Variants in ASIC2 observed in about 807,000 individuals in gnomAD.
ASIC2 encodes the protein acid sensing ion channel subunit 2, also known as acid-sensing ion channel 2.
ASIC2 carries 25 observed loss-of-function variants against 57.3 expected under a neutral mutation model. That is an observed-to-expected ratio of 0.44 (90% confidence interval 0.32 to 0.61). ASIC2 has a LOEUF of 0.61. ASIC2 is among the 20% of genes least tolerant of loss of function. The pLI is 0.06. For synonymous variants in ASIC2, 319 were observed against 307.5 expected, an observed-to-expected ratio of 1.04 and a Z score of -0.39; for missense variants, 641 against 738.1, an observed-to-expected ratio of 0.87 and a Z score of 1.52.
At chr17:33,108,463 G>A (rs959617358) in intron 2 of ASIC2, among the ~76,000 whole-genome samples, 1 of 152,214 alleles carries the variant, frequency 6.6e-6, no homozygotes, top group Non-Finnish European at 1.5e-5. Context: ...GGCAGGGATA[G>A]GCCTGGCTGT....
chr17:33,905,820 T>C (rs996130248), intron 1 of ASIC2, among the ~76,000 whole-genome samples: 1 of 151,958 alleles, frequency 6.6e-6, no homozygotes, highest in African/African-American at 2.4e-5. Context: ...TTTTTTTGTT[T>C]GTTTTTTTGC....
At chr17:33,942,287 C>T (rs975298897) in intron 1 of ASIC2, among the ~76,000 whole-genome samples, 3 of 152,174 alleles carry the variant, frequency 2.0e-5, no homozygotes, top group African/African-American at 7.2e-5. Flanking sequence ...ACCTCCTTCT[C>T]ATGCTGAAGA....
At chr17:33,863,908 T>TC (rs1232437574) in intron 1 of ASIC2, among the ~76,000 whole-genome samples, 1 of 64,794 alleles carries the variant, frequency 1.5e-5, no homozygotes, top group African/African-American at 5.5e-5. Flanking sequence ...TTGTTTTTTT[T>TC]TTTTTTGTTT....
intron 5 of ASIC2, among the ~76,000 whole-genome samples, chr17:33,025,723 C>G (rs765427536): frequency 2.4e-4 from 37 of 152,086 alleles, no homozygotes; most frequent in Non-Finnish European, 4.3e-4. Context: ...CCTCTTGCAC[C>G]AGTTCCCTTC....
chr17:33,537,807 T>A (rs1441456953), intron 1 of ASIC2, among the ~76,000 whole-genome samples: 1 of 151,422 alleles, frequency 6.6e-6, no homozygotes, highest in Non-Finnish European at 1.5e-5. Context: ...GGAGGGAGAG[T>A]GTACGCCGAG....
intron 1 of ASIC2, among the ~76,000 whole-genome samples, chr17:34,099,793 A>G (rs1167908530): frequency 2.6e-5 from 2 of 76,636 alleles, no homozygotes; most frequent in African/African-American, 5.2e-5. Context: ...AAAGAAAGAA[A>G]GAAAGAAAGA....
At chr17:33,450,661 A>G (rs1412260566) in intron 1 of ASIC2, among the ~76,000 whole-genome samples, 3 of 152,204 alleles carry the variant, frequency 2.0e-5, no homozygotes, top group Admixed American at 2.0e-4. Context: ...ATTTTATGTC[A>G]TATATTTTGT....
chr17:33,618,119 A>G (rs1905665250), intron 1 of ASIC2, among the ~76,000 whole-genome samples: 1 of 152,030 alleles, frequency 6.6e-6, no homozygotes, highest in Non-Finnish European at 1.5e-5. Flanking sequence ...CTAGTTATCC[A>G]TCCCCAGGAA....
chr17:33,765,240 G>T (rs1454038160), intron 1 of ASIC2, among the ~76,000 whole-genome samples: 1 of 152,042 alleles, frequency 6.6e-6, no homozygotes, highest in Non-Finnish European at 1.5e-5. Flanking sequence ...CGAGTAGCTG[G>T]GACTACAGGC....
chr17:33,600,333 GA>G (rs1302812368), intron 1 of ASIC2, among the ~76,000 whole-genome samples: 5 of 152,218 alleles, frequency 3.3e-5, no homozygotes, highest in African/African-American at 1.2e-4. Context: ...GTCCTCACCA[GA>G]TGCAACCCTT....
chr17:33,124,922 G>A (rs985954055), intron 1 of ASIC2, among the ~76,000 whole-genome samples: 13 of 152,160 alleles, frequency 8.5e-5, no homozygotes, highest in Admixed American at 7.9e-4. Context: ...CTCTTAAGGG[G>A]GGCACAACCT....
At chr17:33,540,547 G>T (rs932165427) in intron 1 of ASIC2, among the ~76,000 whole-genome samples, 1 of 152,136 alleles carries the variant, frequency 6.6e-6, no homozygotes, top group African/African-American at 2.4e-5. Context: ...CATCAGCCAT[G>T]ATGAAGACTT....
rs182210126 is a variant in ASIC2 at position 33,235,289 on chromosome 17, A to G, written c.708+56119T>C. Reference sequence around the variant, plus strand: ...CAGGTAGTCCATTTTAACAGGGGCAACCCACACACAGGGCTCCACTCCTGG... The same window carrying G: ...CAGGTAGTCCATTTTAACAGGGGCAGCCCACACACAGGGCTCCACTCCTGG... On this transcript the variant is annotated intron_variant, in intron 1 of 9. Coordinates refer to ENST00000225823, the MANE Select transcript of ASIC2 (RefSeq NM_183377.2). Among the ~76,000 whole-genome samples, 126 of 152,146 alleles carry G rather than the reference A, an allele frequency of 8.3e-4. 1 individual carries two copies. The East Asian group carries it at 0.023, about 28-fold the overall frequency.
intron 1 of ASIC2, among the ~76,000 whole-genome samples, chr17:33,322,134 A>G (rs1906895965): frequency 6.6e-6 from 1 of 152,174 alleles, no homozygotes; most frequent in African/African-American, 2.4e-5. Flanking sequence ...GTGGGAGTGG[A>G]GAAGGTGGGT....
At chr17:33,197,355 A>G (rs1906675041) in intron 1 of ASIC2, among the ~76,000 whole-genome samples, 1 of 152,196 alleles carries the variant, frequency 6.6e-6, no homozygotes, top group Admixed American at 6.5e-5. Flanking sequence ...CCGTATACAT[A>G]GGTAAGAGGG....
At chr17:33,190,765 A>G (rs1414097727) in intron 1 of ASIC2, among the ~76,000 whole-genome samples, 4 of 152,170 alleles carry the variant, frequency 2.6e-5, no homozygotes, top group Non-Finnish European at 5.9e-5. Flanking sequence ...TAAAACCACA[A>G]TGAGATGCCA....
intron 1 of ASIC2, among the ~76,000 whole-genome samples, chr17:33,344,403 C>T (rs1046889211): frequency 2.0e-5 from 3 of 152,028 alleles, no homozygotes; most frequent in African/African-American, 4.8e-5. Context: ...TGGCAGGGAG[C>T]GGGGCACCAG....
intron 1 of ASIC2, among the ~76,000 whole-genome samples, chr17:33,140,938 A>C (rs1021400861): frequency 6.6e-6 from 1 of 152,258 alleles, no homozygotes; most frequent in Non-Finnish European, 1.5e-5. Flanking sequence ...ACATGGACAC[A>C]GCATGAGCAC....
At chr17:33,788,495 C>T (rs9911782) in intron 1 of ASIC2, among the ~76,000 whole-genome samples, 6,850 of 152,198 alleles carry the variant, frequency 0.045, 286 homozygotes, top group African/African-American at 0.12. Flanking sequence ...GACAGTATGG[C>T]GATTCCTCAA....
Sources: allele counts gnomAD v4.1 joint callset (sites outside exome capture counted in the v4.1 genomes callset), GRCh38; gene constraint gnomAD v4.1.1; transcripts MANE v1.5; gene names NCBI Gene and HGNC (gene_info 2026-07-23, HGNC 2026-07-21).